Variants in ST8SIA6 observed in about 807,000 individuals in gnomAD.
ST8SIA6 encodes the protein ST8 alpha-N-acetyl-neuraminide alpha-2,8-sialyltransferase 6, also known as alpha-2,8-sialyltransferase 8F.
In ST8SIA6, 39 loss-of-function variants were observed where a neutral mutation model predicts 33.6. The observed-to-expected ratio is 1.16, with a 90% CI of 0.90 to 1.52. The LOEUF (loss-of-function observed/expected upper bound fraction) is 1.52. Ranked by LOEUF, ST8SIA6 falls within the 40% of genes most tolerant of loss-of-function variation. The pLI is 0.00. For missense variants in ST8SIA6, 441 were observed against 443.8 expected, an observed-to-expected ratio of 0.99 and a Z score of 0.06; for synonymous variants, 172 against 167.2, an observed-to-expected ratio of 1.03 and a Z score of -0.22.
At chr10:17,445,267 G>C (rs1409110231) in intron 2 of ST8SIA6, among the ~76,000 whole-genome samples, 1 of 152,174 alleles carries the variant, frequency 6.6e-6, no homozygotes, top group Non-Finnish European at 1.5e-5. Flanking sequence ...AGAGTAAACA[G>C]TGCCTGATTT....
intron 3 of ST8SIA6, among the ~76,000 whole-genome samples, chr10:17,379,133 A>C: frequency 8.2e-6 from 1 of 121,516 alleles, no homozygotes; most frequent in East Asian, 2.2e-4. Context: ...TCTCAAAAAA[A>C]AAACAAAAAC....
At chr10:17,432,361 C>T (rs1036241282) in intron 2 of ST8SIA6, among the ~76,000 whole-genome samples, 1 of 152,158 alleles carries the variant, frequency 6.6e-6, no homozygotes, top group African/African-American at 2.4e-5. Flanking sequence ...GAAGGGGACA[C>T]TAGTTCTGAG....
chr10:17,379,382 A>G (rs1850046057), intron 3 of ST8SIA6, among the ~76,000 whole-genome samples: 1 of 152,216 alleles, frequency 6.6e-6, no homozygotes. Context: ...GTGATGCAGC[A>G]CTTCTTTCAG....
At chr10:17,427,987 C>G (rs17367603) in intron 2 of ST8SIA6, among the ~76,000 whole-genome samples, 2,054 of 152,266 alleles carry the variant, frequency 0.013, 26 homozygotes, top group Non-Finnish European at 0.022. Flanking sequence ...CACAAGAGTC[C>G]TTCTATTTGT....
chr10:17,394,319 T>C (rs1850724289), intron 2 of ST8SIA6, among the ~76,000 whole-genome samples: 1 of 151,046 alleles, frequency 6.6e-6, no homozygotes, highest in South Asian at 2.1e-4. Flanking sequence ...GGCTCCACTC[T>C]CTGACTTTAG....
intron 5 of ST8SIA6, among the ~76,000 whole-genome samples, chr10:17,330,148 G>T (rs1056077341): frequency 1.3e-5 from 2 of 152,102 alleles, no homozygotes; most frequent in Admixed American, 1.3e-4. Context: ...GTTTAAAAAA[G>T]AAAATCAGTA....
chr10:17,448,789 T>TC (rs997225212), intron 2 of ST8SIA6, among the ~76,000 whole-genome samples: 3 of 142,410 alleles, frequency 2.1e-5, no homozygotes, highest in African/African-American at 8.5e-5. Context: ...CTAATTTTTT[T>TC]TTTTTTTTTT....
chr10:17,418,993 C>CAAAAAAAAAA (rs910044275), intron 2 of ST8SIA6, among the ~76,000 whole-genome samples: 8 of 56,136 alleles, frequency 1.4e-4, no homozygotes, highest in East Asian at 1.0e-3. Flanking sequence ...GGCTCCATCT[C>CAAAAAAAAAA]AAAAAAAAAA....
At position 17,435,650 on chromosome 10, in the gene ST8SIA6, A is replaced by G. The variant is rs557983092; in HGVS notation, c.200+17909T>C. 2.4e-5 allele frequency among the ~76,000 whole-genome samples: 3 copies of G among 124,328 alleles called. No individual in the cohort carries two copies. The South Asian group carries it at 7.7e-4, about 32-fold the overall frequency. The allele number at this position is 124,328 out of a possible 152,430, so 81.6% of individuals were successfully genotyped here. A position where few individuals can be genotyped will look rare whatever the true frequency, so the allele number is the denominator to read the frequency against. ...CACAGGGACTCCCATTTGGGTGACT[A>G]TTCTCTATCTTAAACAAACAGCATT... On this transcript the variant is annotated intron_variant, in intron 2 of 7. Transcript: ENST00000377602.
In ST8SIA6 at chr10:17,399,407, C is replaced by G. The variant is rs76917841; in HGVS notation, c.201-8787G>C. 8.7e-3 allele frequency among the ~76,000 whole-genome samples: 1,321 copies of G among 152,282 alleles called. 7 individuals are homozygous for G. The highest frequency in any genetic ancestry group is 0.017 in the Middle Eastern group (5 of 292). On this transcript the variant is annotated intron_variant, in intron 2 of 7. Coordinates refer to ENST00000377602, the MANE Select transcript of ST8SIA6 (RefSeq NM_001004470.3). ...TGCCATTTAATTCAAAATAGAGGAACTTTTCTTAAAATGACTTCATAGAAC... is the reference window on the plus strand; with the variant it reads ...TGCCATTTAATTCAAAATAGAGGAAGTTTTCTTAAAATGACTTCATAGAAC...
chr10:17,383,234 A>G (rs763344907), intron 3 of ST8SIA6, among the ~76,000 whole-genome samples: 1 of 152,184 alleles, frequency 6.6e-6, no homozygotes, highest in Non-Finnish European at 1.5e-5. Flanking sequence ...ATATATGACA[A>G]ACTTTCTAAA....
rs116443800 is a variant in ST8SIA6 at position 17,370,017 on chromosome 10, A to G, written c.291-10417T>C. Reference sequence around the variant, plus strand: ...ACTTTTTTTTTTTTTTTGGAGACGGAGTCTAGCTCTGTCGCTGCAGTGGCA... The same window carrying G: ...ACTTTTTTTTTTTTTTTGGAGACGGGGTCTAGCTCTGTCGCTGCAGTGGCA... On this transcript the variant is annotated intron_variant, in intron 3 of 7. Coordinates refer to ENST00000377602, the MANE Select transcript of ST8SIA6 (RefSeq NM_001004470.3). Among the ~76,000 whole-genome samples, 769 of 146,380 alleles carry G rather than the reference A, an allele frequency of 5.3e-3. 7 individuals carry two copies. Among genetic ancestry groups the G allele is most frequent in the African/African-American group, 0.019 (740 of 39,280 alleles).
rs894459975 is a variant in ST8SIA6, at chr10:17,315,930, G to A, written c.*4948C>T. 3.3e-5 allele frequency among the ~76,000 whole-genome samples: 5 copies of A among 151,644 alleles called. No individual in the cohort carries two copies. Among genetic ancestry groups the A allele is most frequent in the African/African-American group, 1.2e-4 (5 of 41,310 alleles). Reference sequence around the variant, plus strand: ...TGATTTTTCTTTTCATTTTATAATTGCATAATGGAAATAATATTGGCTTTA... The same window carrying A: ...TGATTTTTCTTTTCATTTTATAATTACATAATGGAAATAATATTGGCTTTA... On this transcript the variant is annotated 3_prime_UTR_variant, in exon 8 of 8. Transcript: ENST00000377602.
chr10:17,404,692 C>T (rs1851185491), intron 2 of ST8SIA6, among the ~76,000 whole-genome samples: 1 of 152,124 alleles, frequency 6.6e-6, no homozygotes, highest in Non-Finnish European at 1.5e-5. Flanking sequence ...TAGTGATTTT[C>T]CATCCACTGA....
rs1365105745 is a variant in ST8SIA6, at chr10:17,402,341, C to G, written c.201-11721G>C. 2.0e-5 allele frequency among the ~76,000 whole-genome samples: 3 copies of G among 152,338 alleles called. No homozygotes were observed. The South Asian group carries it at 6.2e-4, about 32-fold the overall frequency. On this transcript the variant is annotated intron_variant, in intron 2 of 7. Coordinates refer to ENST00000377602, the MANE Select transcript of ST8SIA6 (RefSeq NM_001004470.3). Reference sequence around the variant, plus strand: ...TTTACACTGTTGGTGGGACTGTAAACTAGTTCAGCCATTGTGGAAGACAGT... The same window carrying G: ...TTTACACTGTTGGTGGGACTGTAAAGTAGTTCAGCCATTGTGGAAGACAGT...
intron 4 of ST8SIA6, among the ~76,000 whole-genome samples, chr10:17,343,236 G>T (rs12246963): frequency 7.2e-5 from 11 of 152,032 alleles, no homozygotes; most frequent in Non-Finnish European, 8.8e-5. Flanking sequence ...GGTGAACAAC[G>T]GTTGTTAACT....
Position 17,368,407 on chromosome 10 carries a change from C to CAAAAAAA in ST8SIA6, c.291-8814_291-8808dup, listed in dbSNP as rs200826980. 2.7e-3 allele frequency among the ~76,000 whole-genome samples: 196 copies of CAAAAAAA among 72,178 alleles called. 7 individuals carry two copies. The highest frequency in any genetic ancestry group is 4.8e-3 in the Non-Finnish European group (163 of 33,930). 47.4% of individuals were successfully genotyped at this position (72,178 alleles called of 152,430 possible). The stretch of plus-strand genomic sequence containing the variant: ...GGGCAACAAGAGTGAAGCTCTGTCT[C>CAAAAAAA]AAAAAAAAAAAAAAAAAAAAAAAAA... On this transcript the variant is annotated intron_variant, in intron 3 of 7. Coordinates refer to ENST00000377602, the MANE Select transcript of ST8SIA6 (RefSeq NM_001004470.3).
chr10:17,427,105 A>AG (rs1291990209), intron 2 of ST8SIA6, among the ~76,000 whole-genome samples: 1 of 150,304 alleles, frequency 6.7e-6, no homozygotes, highest in African/African-American at 2.4e-5. Context: ...CTGTGTCTGA[A>AG]AAAAAAAAAA....
chr10:17,393,179 C>A (rs564007976), intron 2 of ST8SIA6, among the ~76,000 whole-genome samples: 1 of 152,246 alleles, frequency 6.6e-6, no homozygotes, highest in East Asian at 1.9e-4. Context: ...CTGGGACTTA[C>A]ACTGTTGGCC....
Sources: gnomAD v4.1 joint callset for allele counts (sites outside exome capture counted in the v4.1 genomes callset) on GRCh38, gnomAD v4.1.1 for gene constraint, MANE v1.5 for transcripts, NCBI Gene and HGNC (gene_info 2026-07-23, HGNC 2026-07-21) for gene names.